The following CCDC171 variants were observed in gnomAD, a reference collection of about 807,000 sequenced individuals.
The protein encoded by CCDC171 is coiled-coil domain containing 171.
In CCDC171, 177 loss-of-function variants were observed where a neutral mutation model predicts 168.2. The ratio of observed to expected loss-of-function variants is 1.05; its 90% CI spans 0.93 to 1.19. The LOEUF is 1.19. Ranked by LOEUF, CCDC171 falls within the 50% of genes most tolerant of loss-of-function variation. The probability of loss-of-function intolerance (pLI) is 0.00; values close to 1 mark genes in which losing one functional copy is unlikely to be tolerated. For missense variants in CCDC171, 1,991 were observed against 1,539.0 expected (o/e 1.29, Z -4.91); for synonymous variants, 687 against 540.8 (o/e 1.27, Z -3.75).
intron 4 of CCDC171, 115 bp downstream of exon 4, chr9:15,579,138 C>A (rs530589002): frequency 2.0e-5 from 16 of 801,570 alleles, no homozygotes; most frequent in Non-Finnish European, 3.0e-5. Flanking sequence ...GATTCGTTGA[C>A]TGACTTTTGA....
At chr9:15,677,637 G>GAAAAT (rs1053044430) in intron 9 of CCDC171, among the ~76,000 whole-genome samples, 1 of 151,248 alleles carries the variant, frequency 6.6e-6, no homozygotes. Flanking sequence ...AATTTTAAAT[G>GAAAAT]AAAATACTTC....
In CCDC171 at chr9:15,888,241, C is replaced by A. The variant is rs149035750; in HGVS notation, c.3600+13578C>A. ...TAAAACTTGATGTGATTTTCACATC[C>A]TGACTTAATTTTTTTTGGTTGCAAT... On this transcript the variant is annotated intron_variant, in intron 24 of 25. Transcript: ENST00000380701. Among the ~76,000 whole-genome samples the A allele has an allele frequency of 1.4e-3, 212 of 152,212 alleles. 1 individual carries two copies. The highest frequency in any genetic ancestry group is 4.7e-3 in the African/African-American group (196 of 41,540).
intron 6 of CCDC171, among the ~76,000 whole-genome samples, chr9:16,025,091 A>G (rs1454090179): frequency 6.6e-6 from 1 of 152,232 alleles, no homozygotes; most frequent in Admixed American, 6.5e-5. Context: ...CATATGACCC[A>G]GCAACTTCAT....
Position 15,695,251 on chromosome 9 carries a change from C to T in CCDC171, c.1232C>T (p.Ala411Val). 1 of 1,613,188 alleles carries T rather than the reference C, an allele frequency of 6.2e-7. No individual in the cohort carries two copies. Among genetic ancestry groups the T allele is most frequent in the South Asian group, 1.1e-5 (1 of 91,036 alleles). The change falls in exon 11 of 26, where the codon GCC becomes GTC. Residue 411 changes from alanine (A) to valine (V), a missense_variant. Ala to Val is a moderately conservative substitution (Grantham distance 64). Coordinates refer to ENST00000380701, the MANE Select transcript of CCDC171 (RefSeq NM_173550.4). ...AATTAAAAGGCTAAGAAGCACCAGG[C>T]CTTCCTAGTAGAGACATGTGAAAAT... ...EELVMAKKHQ[A>V]FLVETCENNV...
chr9:15,920,429 C>T lies in CCDC171; in HGVS notation c.3753+7C>T, dbSNP rs762583225. ...AAATGCAAGTTTACAATCAGTAAGT[C>T]CTTGTCTAACAATATTTTTATAACT... On this transcript the variant is annotated splice_region_variant and intron_variant, in intron 25 of 25. Coordinates refer to ENST00000380701, the MANE Select transcript of CCDC171 (RefSeq NM_173550.4). 5 of 1,581,480 alleles carry T rather than the reference C, an allele frequency of 3.2e-6. No homozygotes were observed. In the East Asian group the frequency reaches 9.0e-5, roughly 28 times the overall value.
At chr9:15,649,567 C>T (rs138863394) in intron 7 of CCDC171, among the ~76,000 whole-genome samples, 1,988 of 152,234 alleles carry the variant, frequency 0.013, 33 homozygotes, top group African/African-American at 0.044. Context: ...AAACAAACAA[C>T]CCCATCCAAA....
rs374159322 is a variant in CCDC171 at position 15,726,563 on chromosome 9, A to G, written c.1693-1306A>G. 3.3e-5 allele frequency among the ~76,000 whole-genome samples: 5 copies of G among 152,298 alleles called. No individual in the cohort carries two copies. The East Asian group carries it at 5.8e-4, about 18-fold the overall frequency. On this transcript the variant is annotated intron_variant, in intron 14 of 25. Transcript: ENST00000380701. ...AAAGGTATAGCATATTTGTGAAAAAAATCTGATTTCTTAAATTTGTTGTTG... is the reference window on the plus strand; with the variant it reads ...AAAGGTATAGCATATTTGTGAAAAAGATCTGATTTCTTAAATTTGTTGTTG...
intron 24 of CCDC171, chr9:15,885,993 A>G (rs1313114167): frequency 6.6e-6 from 1 of 152,174 alleles, no homozygotes; most frequent in African/African-American, 2.4e-5. Flanking sequence ...TCCAACAGAG[A>G]TCCTAATTCT....
intron 21 of CCDC171, among the ~76,000 whole-genome samples, chr9:15,823,007 A>G (rs2059857276): frequency 6.8e-6 from 1 of 146,938 alleles, no homozygotes; most frequent in South Asian, 2.1e-4. Flanking sequence ...ATGCAGCCAT[A>G]AAAAATGGTG....
rs138989790 is a variant in CCDC171, at chr9:15,675,187, G to GTTTTTTT, written c.1077-3556_1077-3550dup. On this transcript the variant is annotated intron_variant, in intron 9 of 25. Coordinates refer to ENST00000380701, the MANE Select transcript of CCDC171 (RefSeq NM_173550.4). ...ATCAGAGACTAGGATTGCAACTCCTGTTTTTTTTTTTTTTTTTTTTTGCTT... is the reference window on the plus strand; with the variant it reads ...ATCAGAGACTAGGATTGCAACTCCTGTTTTTTTTTTTTTTTTTTTTTTTTTTTTGCTT... Among the ~76,000 whole-genome samples the GTTTTTTT allele has an allele frequency of 7.9e-4, 60 of 75,532 alleles. 1 individual carries two copies. Among genetic ancestry groups the GTTTTTTT allele is most frequent in the Admixed American group, 1.0e-3 (5 of 4,988 alleles). The allele number at this position is 75,532 out of a possible 152,430, so 49.6% of individuals were successfully genotyped here. A position where few individuals can be genotyped will look rare whatever the true frequency, so the allele number is the denominator to read the frequency against.
chr9:15,668,047 T>C (rs1310335891), intron 9 of CCDC171, among the ~76,000 whole-genome samples: 1 of 152,222 alleles, frequency 6.6e-6, no homozygotes, highest in Non-Finnish European at 1.5e-5. Flanking sequence ...ATGTAGAATA[T>C]AGTGCAGATT....
At chr9:16,087,394 C>A in the CCDC171 span, among the ~76,000 whole-genome samples, 1 of 152,056 alleles carries the variant, frequency 6.6e-6, no homozygotes, top group East Asian at 1.9e-4. Context: ...TAAGAACTTG[C>A]TTTATGAATC....
chr9:15,826,546 T>A (rs2060019853), intron 21 of CCDC171, among the ~76,000 whole-genome samples: 1 of 152,178 alleles, frequency 6.6e-6, no homozygotes, highest in Non-Finnish European at 1.5e-5. Context: ...TTTCTTTCTC[T>A]CTCTCAATTT....
At chr9:16,029,523 GGTTGA>G (rs1439572597) in intron 6 of CCDC171, among the ~76,000 whole-genome samples, 1 of 152,230 alleles carries the variant, frequency 6.6e-6, no homozygotes, top group Non-Finnish European at 1.5e-5. Flanking sequence ...GGTCTGCTAA[GGTTGA>G]GGGAATAGGG....
intron 25 of CCDC171, among the ~76,000 whole-genome samples, chr9:15,964,782 CAG>C (rs1410628119): frequency 7.2e-5 from 11 of 152,006 alleles, no homozygotes; most frequent in African/African-American, 1.4e-4. Flanking sequence ...TTTTTTGAGA[CAG>C]AGTCTCACTC....
chr9:15,716,963 C>T (rs1216962056), intron 11 of CCDC171, among the ~76,000 whole-genome samples: 1 of 152,176 alleles, frequency 6.6e-6, no homozygotes, highest in Non-Finnish European at 1.5e-5. Context: ...GTGATCATCA[C>T]CCCCACAGGA....
chr9:15,700,531 G>A (rs565101710), intron 11 of CCDC171, among the ~76,000 whole-genome samples: 1 of 152,382 alleles, frequency 6.6e-6, no homozygotes, highest in South Asian at 2.1e-4. Context: ...GTGCCGCCAA[G>A]GTTCGAGCCC....
At chr9:15,918,536 T>C (rs927939304) in intron 24 of CCDC171, among the ~76,000 whole-genome samples, 16 of 151,684 alleles carry the variant, frequency 1.1e-4, no homozygotes, top group Non-Finnish European at 1.3e-4. Context: ...AAAACAGATG[T>C]AATTCAAGTT....
intron 25 of CCDC171, among the ~76,000 whole-genome samples, chr9:15,925,397 A>G (rs1825777644): frequency 6.6e-6 from 1 of 151,624 alleles, no homozygotes; most frequent in Non-Finnish European, 1.5e-5. Flanking sequence ...AAACTGAGAA[A>G]GACCAGTGTG....
Sources: allele counts gnomAD v4.1 joint callset (sites outside exome capture counted in the v4.1 genomes callset), GRCh38; gene constraint gnomAD v4.1.1; transcripts MANE v1.5; gene names NCBI Gene and HGNC (gene_info 2026-07-23, HGNC 2026-07-21).